Variants in STK31 observed in about 807,000 individuals in gnomAD.
STK31 encodes serine/threonine-protein kinase 31.
Under a neutral mutation model 129.7 loss-of-function variants are expected in STK31, and 89 were observed. The ratio of observed to expected loss-of-function variants is 0.69; its 90% CI spans 0.58 to 0.82. STK31 has a LOEUF of 0.82. Ranked by LOEUF, STK31 falls within the 40% of genes least tolerant of loss-of-function variation. STK31 has a pLI of 0.00. For missense variants in STK31, 1,187 were observed against 1,176.4 expected, an observed-to-expected ratio of 1.01 and a Z score of -0.13; for synonymous variants, 448 against 395.3, an observed-to-expected ratio of 1.13 and a Z score of -1.58.
chr7:23,750,922 A>G (rs549775829), intron 8 of STK31, among the ~76,000 whole-genome samples: 1 of 152,312 alleles, frequency 6.6e-6, no homozygotes, highest in South Asian at 2.1e-4. Context: ...GAAATATACA[A>G]TACATCATTA....
At position 23,798,266 on chromosome 7, in the gene STK31, C is replaced by G. The variant is rs546790051; in HGVS notation, c.2760+7320C>G. Reference sequence around the variant, plus strand: ...CTCATTTTATGAGGCCGGCATCATCCTGGTACCAAAACGTGCCAGAGACAC... The same window carrying G: ...CTCATTTTATGAGGCCGGCATCATCGTGGTACCAAAACGTGCCAGAGACAC... On this transcript the variant is annotated intron_variant, in intron 22 of 23. Coordinates refer to ENST00000355870, the MANE Select transcript of STK31 (RefSeq NM_031414.5). Among the ~76,000 whole-genome samples the G allele has an allele frequency of 5.3e-5, 8 of 152,262 alleles. No homozygotes were observed. In the East Asian group the frequency reaches 1.5e-3, roughly 29 times the overall value.
intron 22 of STK31, among the ~76,000 whole-genome samples, chr7:23,802,011 T>G (rs895474050): frequency 6.6e-6 from 1 of 152,216 alleles, no homozygotes; most frequent in Non-Finnish European, 1.5e-5. Context: ...TTTCCTTTTT[T>G]GTATATATTT....
At chr7:23,782,732 T>C (rs1272696181) in intron 16 of STK31, among the ~76,000 whole-genome samples, 1 of 152,180 alleles carries the variant, frequency 6.6e-6, no homozygotes, top group Non-Finnish European at 1.5e-5. Context: ...TGTAGAGCTA[T>C]GTGTTTTTTC....
chr7:23,734,782 C>A (rs146272855), intron 6 of STK31, among the ~76,000 whole-genome samples: 1 of 152,056 alleles, frequency 6.6e-6, no homozygotes, highest in Non-Finnish European at 1.5e-5. Context: ...TCAACTGACA[C>A]GGTGAAACCC....
rs141576406 is a variant in STK31 at position 23,804,974 on chromosome 7, C to T, written c.2761-10170C>T. On this transcript the variant is annotated intron_variant, in intron 22 of 23. Transcript: ENST00000355870. ...ATTCCCAGACTATGCCTTATATTCC[C>T]ATTTACTCCTGTTCTTCTGTTTAGT... 1.4e-3 allele frequency among the ~76,000 whole-genome samples: 217 copies of T among 152,296 alleles called. 1 individual carries two copies. Among genetic ancestry groups the T allele is most frequent in the African/African-American group, 5.1e-3 (212 of 41,558 alleles).
intron 15 of STK31, among the ~76,000 whole-genome samples, chr7:23,779,339 G>A (rs1790763309): frequency 6.6e-6 from 1 of 152,172 alleles, no homozygotes; most frequent in Non-Finnish European, 1.5e-5. Context: ...TGAGGAGGCA[G>A]TCTGTCCCTT....
At chr7:23,808,761 T>G (rs1305032780) in intron 22 of STK31, among the ~76,000 whole-genome samples, 1 of 152,150 alleles carries the variant, frequency 6.6e-6, no homozygotes, top group Non-Finnish European at 1.5e-5. Context: ...TTGTTGCTGC[T>G]GGGTAGGGCT....
intron 4 of STK31, among the ~76,000 whole-genome samples, chr7:23,724,364 A>G (rs910387105): frequency 1.3e-5 from 2 of 152,316 alleles, no homozygotes; most frequent in South Asian, 2.1e-4. Context: ...TAAGGGGTCA[A>G]TTGGAGTTTG....
intron 8 of STK31, among the ~76,000 whole-genome samples, chr7:23,742,781 C>T (rs1170889026): frequency 1.3e-5 from 2 of 151,954 alleles, no homozygotes; most frequent in Non-Finnish European, 2.9e-5. Flanking sequence ...GTCTACTTAA[C>T]TATTTCTGAT....
At position 23,805,081 on chromosome 7, in the gene STK31, C is replaced by CT. The variant is rs66605281; in HGVS notation, c.2761-10051dup. ...CATTCTTTCTCATTTCTCTCTCTCTCTTTTTTTTTTTTGAGACGGAGTCTT... is the reference window on the plus strand; with the variant it reads ...CATTCTTTCTCATTTCTCTCTCTCTCTTTTTTTTTTTTTGAGACGGAGTCTT... On this transcript the variant is annotated intron_variant, in intron 22 of 23. Transcript: ENST00000355870. 3.7e-3 allele frequency among the ~76,000 whole-genome samples: 542 copies of CT among 148,182 alleles called. 3 individuals carry two copies. Among genetic ancestry groups the CT allele is most frequent in the African/African-American group, 0.011 (457 of 40,664 alleles).
intron 6 of STK31, 85 bp from the exon 7 acceptor site, chr7:23,735,453 A>G (rs1048757297): frequency 1.7e-6 from 2 of 1,206,540 alleles, no homozygotes; most frequent in Admixed American, 2.3e-5. Context: ...ATGAAGAAAT[A>G]TGATGCTTGG....
chr7:23,822,025 G>A (rs769117410), intron 23 of STK31, among the ~76,000 whole-genome samples: 33 of 152,028 alleles, frequency 2.2e-4, no homozygotes, highest in Non-Finnish European at 4.0e-4. Context: ...CTAATAAAAC[G>A]CTGTGTTGGT....
rs765785584 is a variant in STK31, at chr7:23,752,682, G to A, written c.1018-35G>A. 2.8e-6 allele frequency: 4 copies of A among 1,427,714 alleles called. No homozygotes were observed. The South Asian group carries it at 3.5e-5, about 12-fold the overall frequency. The allele number at this position is 1,427,714 out of a possible 1,614,324, so 88.4% of individuals were successfully genotyped here. A position where few individuals can be genotyped will look rare whatever the true frequency, so the allele number is the denominator to read the frequency against. ...ATAGCAGAAATACAGTTTCCTATTT[G>A]GGTCTCACGAGAATGTGTTTATTCT... On this transcript the variant is annotated intron_variant, in intron 8 of 23. Transcript: ENST00000355870.
chr7:23,776,059 G>C (rs1790520042), intron 15 of STK31, among the ~76,000 whole-genome samples: 1 of 152,216 alleles, frequency 6.6e-6, no homozygotes, highest in African/African-American at 2.4e-5. Context: ...TTTTATCAAA[G>C]GCTTTTTCTG....
chr7:23,747,549 T>C, intron 8 of STK31, among the ~76,000 whole-genome samples: 1 of 151,966 alleles, frequency 6.6e-6, no homozygotes, highest in Non-Finnish European at 1.5e-5. Context: ...TTTGTATTTT[T>C]AGTAGAGACG....
chr7:23,787,507 A>C (rs180921780), intron 20 of STK31, among the ~76,000 whole-genome samples: 95 of 152,166 alleles, frequency 6.2e-4, no homozygotes, highest in Non-Finnish European at 1.0e-3. Context: ...CAGGTGAGCA[A>C]GCATTACTGC....
intron 8 of STK31, among the ~76,000 whole-genome samples, chr7:23,745,719 G>A (rs1214868350): frequency 1.3e-5 from 2 of 152,212 alleles, no homozygotes; most frequent in African/African-American, 2.4e-5. Flanking sequence ...TGCTGGTGGG[G>A]TTGGGGTTCC....
chr7:23,770,968 C>A, intron 13 of STK31, 37 bp from the exon 14 acceptor site: 2 of 1,577,950 alleles, frequency 1.3e-6, no homozygotes, highest in Non-Finnish European at 1.7e-6. Context: ...TTTGGATATT[C>A]CTTTGTGTAT....
chr7:23,755,272 G>T (rs1168164743), intron 10 of STK31: 1 of 152,084 alleles, frequency 6.6e-6, no homozygotes, highest in Non-Finnish European at 1.5e-5. Context: ...TTTTTCATAT[G>T]TTTGTTGGCC....
Sources: allele counts gnomAD v4.1 joint callset (sites outside exome capture counted in the v4.1 genomes callset), GRCh38; gene constraint gnomAD v4.1.1; transcripts MANE v1.5; gene names NCBI Gene and HGNC (gene_info 2026-07-23, HGNC 2026-07-21).